DLGAP2: variants seen among roughly 807,000 people sequenced by gnomAD.
DLGAP2 encodes the protein disks large-associated protein 2.
In DLGAP2, 26 loss-of-function variants were observed where a neutral mutation model predicts 100.3. The ratio of observed to expected loss-of-function variants is 0.26; its 90% CI spans 0.19 to 0.36. The LOEUF (loss-of-function observed/expected upper bound fraction) is 0.36. DLGAP2 is among the 10% of genes least tolerant of loss of function. The pLI, the probability that DLGAP2 is intolerant of heterozygous loss-of-function variation, is 1.00. For missense variants in DLGAP2, 1,858 were observed against 1,453.2 expected (o/e 1.28, Z -4.53); for synonymous variants, 886 against 630.1 (o/e 1.41, Z -6.08).
At chr8:811,920 A>G (rs1469425255) in intron 1 of DLGAP2, among the ~76,000 whole-genome samples, 1 of 152,254 alleles carries the variant, frequency 6.6e-6, no homozygotes. Context: ...CTTTACTGTT[A>G]GGCAAGCGTG....
At chr8:1,003,963 C>T (rs1305841510) in intron 2 of DLGAP2, among the ~76,000 whole-genome samples, 2 of 152,088 alleles carry the variant, frequency 1.3e-5, no homozygotes, top group African/African-American at 2.4e-5. Flanking sequence ...GTAAATTATT[C>T]CAGTGCCAGG....
intron 3 of DLGAP2, among the ~76,000 whole-genome samples, chr8:1,409,625 C>G (rs1002400341): frequency 6.6e-6 from 1 of 152,216 alleles, no homozygotes; most frequent in African/African-American, 2.4e-5. Context: ...AAGACATTTT[C>G]CAGATGTGTC....
rs73670720 is a variant in DLGAP2, at chr8:1,302,996, G to A, written c.106+44113G>A. ...AGGAGTCATTCCTTAGCTGTCGGCT[G>A]CAGGCTGTGAGGATGGGCCTTCGTA... On this transcript the variant is annotated intron_variant, in intron 3 of 14. Transcript: ENST00000637795. Among the ~76,000 whole-genome samples the A allele has an allele frequency of 1.1e-3, 175 of 152,376 alleles. 1 individual carries two copies. Among genetic ancestry groups the A allele is most frequent in the African/African-American group, 4.0e-3 (168 of 41,590 alleles).
At chr8:873,658 G>A (rs568925692) in intron 1 of DLGAP2, among the ~76,000 whole-genome samples, 2 of 151,934 alleles carry the variant, frequency 1.3e-5, no homozygotes, top group Admixed American at 6.5e-5. Flanking sequence ...TATTTGCCTG[G>A]CTTTGATATT....
At chr8:1,219,898 A>G (rs889244882) in intron 2 of DLGAP2, among the ~76,000 whole-genome samples, 1 of 151,804 alleles carries the variant, frequency 6.6e-6, no homozygotes, top group Non-Finnish European at 1.5e-5. Context: ...GTTTGTGTGC[A>G]TAGTGGTGTT....
intron 2 of DLGAP2, among the ~76,000 whole-genome samples, chr8:1,153,795 G>A (rs1796735465): frequency 6.6e-6 from 1 of 152,104 alleles, no homozygotes; most frequent in Admixed American, 6.5e-5. Flanking sequence ...GTAATGTTTT[G>A]CAGATCTCAT....
chr8:977,170 T>A (rs1800187140), intron 2 of DLGAP2, among the ~76,000 whole-genome samples: 1 of 152,230 alleles, frequency 6.6e-6, no homozygotes, highest in South Asian at 2.1e-4. Flanking sequence ...CCTCCCCTCC[T>A]GAAATGTTGC....
At chr8:1,628,040 G>A (rs1262478507) in intron 7 of DLGAP2, among the ~76,000 whole-genome samples, 3 of 126,866 alleles carry the variant, frequency 2.4e-5, no homozygotes, top group African/African-American at 1.1e-4. Context: ...CTGTGGAGCA[G>A]GGATTAAGAG....
At chr8:1,694,215 G>A (rs545118489) in intron 13 of DLGAP2, among the ~76,000 whole-genome samples, 9 of 152,304 alleles carry the variant, frequency 5.9e-5, no homozygotes, top group East Asian at 1.9e-4. Flanking sequence ...CGTTTGGGGC[G>A]GAAGAGTGGT....
intron 2 of DLGAP2, among the ~76,000 whole-genome samples, chr8:1,084,450 C>T (rs879577293): frequency 6.6e-6 from 1 of 152,178 alleles, no homozygotes; most frequent in Admixed American, 6.5e-5. Flanking sequence ...ATTAGCTGTA[C>T]TCAGCATGCC....
intron 1 of DLGAP2, among the ~76,000 whole-genome samples, chr8:773,496 C>G (rs9721053): frequency 4.4e-5 from 6 of 137,296 alleles, no homozygotes; most frequent in African/African-American, 1.1e-4. Context: ...ATCCCTCCCC[C>G]CTCCCCCCAC....
chr8:1,372,109 G>A (rs1227791759), intron 3 of DLGAP2, among the ~76,000 whole-genome samples: 1 of 152,198 alleles, frequency 6.6e-6, no homozygotes, highest in Non-Finnish European at 1.5e-5. Context: ...GGACAGCTCT[G>A]GGACCTGGGC....
At chr8:835,396 C>G (rs985118121) in intron 1 of DLGAP2, among the ~76,000 whole-genome samples, 2 of 151,926 alleles carry the variant, frequency 1.3e-5, no homozygotes, top group Admixed American at 6.6e-5. Context: ...AAAATCAAAA[C>G]GTGACGACAT....
intron 2 of DLGAP2, among the ~76,000 whole-genome samples, chr8:1,058,761 T>C (rs1034555509): frequency 4.6e-5 from 7 of 152,300 alleles, no homozygotes; most frequent in African/African-American, 1.7e-4. Context: ...AAAGATCAAG[T>C]GATCTTAAAA....
Position 780,245 on chromosome 8 carries a change from C to G in DLGAP2, c.18+42420C>G, listed in dbSNP as rs575702260. ...ACATATCCGTGAGATCATGAGGCAT[C>G]TGTCTTTATGTGCCTGGCTTTTTTC... On this transcript the variant is annotated intron_variant, in intron 1 of 14. Coordinates refer to ENST00000637795, the MANE Select transcript of DLGAP2 (RefSeq NM_001346810.2). Among the ~76,000 whole-genome samples, 4 of 152,310 alleles carry G rather than the reference C, an allele frequency of 2.6e-5. No individual in the cohort carries two copies. The South Asian group carries it at 8.3e-4, about 32-fold the overall frequency.
intron 1 of DLGAP2, among the ~76,000 whole-genome samples, chr8:809,003 T>C (rs145443403): frequency 4.6e-5 from 7 of 151,068 alleles, no homozygotes; most frequent in African/African-American, 1.7e-4. Flanking sequence ...ACCTCCTGAG[T>C]TCAAGAGATT....
intron 2 of DLGAP2, among the ~76,000 whole-genome samples, chr8:920,447 T>G (rs1305461506): frequency 6.6e-6 from 1 of 152,156 alleles, no homozygotes; most frequent in African/African-American, 2.4e-5. Flanking sequence ...GGGTGCATAA[T>G]AACAATAAGC....
At chr8:1,272,320 T>C (rs1170533454) in intron 3 of DLGAP2, among the ~76,000 whole-genome samples, 3 of 152,126 alleles carry the variant, frequency 2.0e-5, no homozygotes, top group Non-Finnish European at 4.4e-5. Flanking sequence ...GTCCAGAGTG[T>C]GCAAGCATAT....
intron 2 of DLGAP2, among the ~76,000 whole-genome samples, chr8:1,253,056 G>A (rs557121130): frequency 5.9e-5 from 9 of 152,304 alleles, no homozygotes; most frequent in East Asian, 5.8e-4. Context: ...TGCACTGCAC[G>A]GCCCACGGCA....
Sources: gnomAD v4.1 joint callset for allele counts (sites outside exome capture counted in the v4.1 genomes callset) on GRCh38, gnomAD v4.1.1 for gene constraint, MANE v1.5 for transcripts, NCBI Gene and HGNC (gene_info 2026-07-23, HGNC 2026-07-21) for gene names.